The following TNS3 variants were observed in gnomAD, a reference collection of about 807,000 sequenced individuals.
TNS3 encodes tensin-3.
In TNS3, 45 loss-of-function variants were observed where a neutral mutation model predicts 140.9. That is an observed-to-expected ratio of 0.32 (90% CI 0.25 to 0.41). The LOEUF is 0.41. Among genes scored for constraint, TNS3 ranks in the 10% least tolerant of loss-of-function variants. The pLI, the probability that TNS3 is intolerant of heterozygous loss-of-function variation, is 1.00. For missense variants in TNS3, 1,716 were observed against 1,906.7 expected (o/e 0.90, Z 1.86); for synonymous variants, 815 against 788.4 (o/e 1.03, Z -0.56).
intron 3 of TNS3, among the ~76,000 whole-genome samples, chr7:47,486,810 G>A (rs1360161246): frequency 6.6e-6 from 1 of 152,240 alleles, no homozygotes; most frequent in Non-Finnish European, 1.5e-5. Flanking sequence ...CATATAGAAA[G>A]TGACATTTTT....
In TNS3 at chr7:47,297,175, T is replaced by C. The variant is rs141127363; in HGVS notation, c.3583A>G (p.Ile1195Val). 209 of 1,613,540 alleles carry C rather than the reference T, an allele frequency of 1.3e-4. 1 individual carries two copies. The African/African-American group carries it at 2.4e-3, about 19-fold the overall frequency. Residue 1195 changes from isoleucine to valine, a missense_variant, in exon 24 of 31, where the codon ATT becomes GTT. By Grantham distance (29) the Ile-to-Val change is conservative. Transcript: ENST00000311160. ...MLKDKEPGSF[I>V]VRDSHSFRGA... Reference sequence around the variant, plus strand: ...CGGAAGGAATGGCTGTCTCGAACAATGAATGAGCCCGGCTCCTTGTCCTTC... The same window carrying C: ...CGGAAGGAATGGCTGTCTCGAACAACGAATGAGCCCGGCTCCTTGTCCTTC...
intron 1 of TNS3, among the ~76,000 whole-genome samples, chr7:47,555,391 G>T (rs1257840275): frequency 7.4e-6 from 1 of 135,686 alleles, no homozygotes; most frequent in Non-Finnish European, 1.6e-5. Context: ...ACAAGAGCAA[G>T]ACTTTGTCTC....
chr7:47,562,071 G>T (rs1336939566), intron 1 of TNS3, among the ~76,000 whole-genome samples: 1 of 152,238 alleles, frequency 6.6e-6, no homozygotes, highest in Non-Finnish European at 1.5e-5. Flanking sequence ...GCAAGTAATT[G>T]AAGCACAGTT....
chr7:47,516,100 T>C (rs540791703), intron 2 of TNS3, among the ~76,000 whole-genome samples: 7 of 152,374 alleles, frequency 4.6e-5, no homozygotes, highest in African/African-American at 1.7e-4. Context: ...CCAGGTAGCA[T>C]GTACACAAAG....
chr7:47,323,187 G>A (rs1787847178), intron 20 of TNS3, among the ~76,000 whole-genome samples: 2 of 152,220 alleles, frequency 1.3e-5, no homozygotes, highest in South Asian at 4.1e-4. Flanking sequence ...CACCCACAGT[G>A]CATCCTGTTT....
chr7:47,340,430 A>G (rs756348708), intron 20 of TNS3, among the ~76,000 whole-genome samples: 2 of 151,826 alleles, frequency 1.3e-5, no homozygotes, highest in Non-Finnish European at 2.9e-5. Context: ...TGTGACTTAT[A>G]TTTTTAATTT....
chr7:47,524,053 A>G (rs910567477), intron 2 of TNS3, among the ~76,000 whole-genome samples: 8 of 152,368 alleles, frequency 5.3e-5, no homozygotes, highest in African/African-American at 1.7e-4. Flanking sequence ...ATTCACAGCC[A>G]GCAAGCTCAG....
intron 3 of TNS3, among the ~76,000 whole-genome samples, chr7:47,506,580 T>C (rs1019885035): frequency 6.6e-6 from 1 of 150,958 alleles, no homozygotes; most frequent in African/African-American, 2.4e-5. Context: ...TCCTGCCCTC[T>C]CTCCACCGAG....
At chr7:47,495,624 C>T (rs1361458485) in intron 3 of TNS3, among the ~76,000 whole-genome samples, 2 of 152,142 alleles carry the variant, frequency 1.3e-5, no homozygotes, top group South Asian at 2.1e-4. Flanking sequence ...GGAACAAGAT[C>T]CCACTGGGAA....
intron 13 of TNS3, among the ~76,000 whole-genome samples, chr7:47,411,341 G>A (rs115203502): frequency 2.5e-3 from 376 of 152,270 alleles, no homozygotes; most frequent in African/African-American, 8.6e-3. Flanking sequence ...TTTTTCCATG[G>A]ACTGGTGGAG....
chr7:47,299,720 T>G (rs1326858816), intron 23 of TNS3, among the ~76,000 whole-genome samples: 1 of 151,804 alleles, frequency 6.6e-6, no homozygotes, highest in African/African-American at 2.4e-5. Context: ...GCAATGGGAG[T>G]AAGAGGAGAA....
chr7:47,561,774 C>T (rs983959319), intron 1 of TNS3, among the ~76,000 whole-genome samples: 9 of 152,212 alleles, frequency 5.9e-5, no homozygotes, highest in Non-Finnish European at 1.0e-4. Context: ...GCTGGTCTTG[C>T]TTTGGCCAAT....
rs77436845 is a variant in TNS3, at chr7:47,540,025, C to T, written c.-264-10878G>A. On this transcript the variant is annotated intron_variant, in intron 1 of 30. Coordinates refer to ENST00000311160, the MANE Select transcript of TNS3 (RefSeq NM_022748.12). ...AAACTTGGGTGGCAGACTGGCCTCA[C>T]TCCATCTTAAAGCCACAGTGAGCTC... Among the ~76,000 whole-genome samples, 1,212 of 152,284 alleles carry T rather than the reference C, an allele frequency of 8.0e-3. 19 individuals are homozygous for T. Among genetic ancestry groups the T allele is most frequent in the African/African-American group, 0.028 (1,159 of 41,554 alleles).
chr7:47,336,650 C>T (rs1412631215), intron 20 of TNS3, among the ~76,000 whole-genome samples: 1 of 152,168 alleles, frequency 6.6e-6, no homozygotes, highest in Non-Finnish European at 1.5e-5. Flanking sequence ...AAACTAAGTG[C>T]CCATAATACC....
chr7:47,336,327 C>G (rs1788631260), intron 20 of TNS3, among the ~76,000 whole-genome samples: 1 of 152,114 alleles, frequency 6.6e-6, no homozygotes, highest in Non-Finnish European at 1.5e-5. Context: ...TCCCAAGCTG[C>G]CAATGTGCTG....
intron 20 of TNS3, among the ~76,000 whole-genome samples, chr7:47,339,424 C>G (rs917586579): frequency 3.3e-5 from 5 of 152,106 alleles, no homozygotes; most frequent in Non-Finnish European, 5.9e-5. Context: ...TGCCCAGGTG[C>G]CCCCGCATCA....
chr7:47,301,362 A>G (rs1786390887), intron 23 of TNS3, among the ~76,000 whole-genome samples: 2 of 152,140 alleles, frequency 1.3e-5, no homozygotes, highest in Non-Finnish European at 2.9e-5. Context: ...TCCCAGAAGC[A>G]ACAAACTCTA....
chr7:47,458,543 T>C (rs1202194890), intron 4 of TNS3, among the ~76,000 whole-genome samples: 1 of 152,194 alleles, frequency 6.6e-6, no homozygotes, highest in South Asian at 2.1e-4. Flanking sequence ...AAATGTAATA[T>C]AAAACAAGAT....
chr7:47,578,034 C>T (rs1186147571), intron 1 of TNS3, among the ~76,000 whole-genome samples: 1 of 151,868 alleles, frequency 6.6e-6, no homozygotes, highest in Non-Finnish European at 1.5e-5. Flanking sequence ...AAAAAATCGG[C>T]CGGGCACAGT....
Sources: allele counts gnomAD v4.1 joint callset (sites outside exome capture counted in the v4.1 genomes callset), GRCh38; gene constraint gnomAD v4.1.1; transcripts MANE v1.5; gene names NCBI Gene and HGNC (gene_info 2026-07-23, HGNC 2026-07-21).